ATP11A: variants seen among roughly 807,000 people sequenced by gnomAD.
The protein encoded by ATP11A is phospholipid-transporting ATPase IH.
In ATP11A, 81 loss-of-function variants were observed where a neutral mutation model predicts 154.4. That is an observed-to-expected ratio of 0.52 (90% CI 0.44 to 0.63). The LOEUF is 0.63. Among genes scored for constraint, ATP11A ranks in the 30% least tolerant of loss-of-function variants. ATP11A has a pLI of 0.00. For missense variants in ATP11A, 1,316 were observed against 1,474.3 expected, an observed-to-expected ratio of 0.89 and a Z score of 1.76; for synonymous variants, 623 against 585.9, an observed-to-expected ratio of 1.06 and a Z score of -0.91.
intron 17 of ATP11A, among the ~76,000 whole-genome samples, chr13:112,844,715 G>A (rs1020628437): frequency 2.1e-5 from 3 of 143,772 alleles, no homozygotes; most frequent in African/African-American, 8.8e-5. Context: ...TACTAGTTCA[G>A]CGGCCGCTAG....
At chr13:112,814,761 C>G (rs774007754) in intron 5 of ATP11A, among the ~76,000 whole-genome samples, 14 of 152,330 alleles carry the variant, frequency 9.2e-5, no homozygotes, top group Middle Eastern at 6.8e-3. Context: ...GTAGCTGTCT[C>G]AGAAGGCTGG....
At chr13:112,773,716 G>A (rs778712314) in intron 1 of ATP11A, among the ~76,000 whole-genome samples, 2 of 152,272 alleles carry the variant, frequency 1.3e-5, no homozygotes, top group Non-Finnish European at 2.9e-5. Context: ...GCTCCATGCA[G>A]CCTGCAGCAG....
chr13:112,699,734 C>T (rs140185848), intron 1 of ATP11A, among the ~76,000 whole-genome samples: 3 of 152,184 alleles, frequency 2.0e-5, no homozygotes, highest in South Asian at 2.1e-4. Context: ...TTTGGCTGGA[C>T]GATGGTCTAC....
intron 8 of ATP11A, among the ~76,000 whole-genome samples, chr13:112,821,681 AT>A (rs2078800971): frequency 6.6e-6 from 1 of 152,196 alleles, no homozygotes; most frequent in Non-Finnish European, 1.5e-5. Flanking sequence ...ATGTTTGTAA[AT>A]TTGTGATGTG....
At chr13:112,810,428 G>A (rs1264204914) in intron 4 of ATP11A, among the ~76,000 whole-genome samples, 191 bp from the exon 5 acceptor site, 3 of 152,212 alleles carry the variant, frequency 2.0e-5, no homozygotes, top group Admixed American at 1.3e-4. Flanking sequence ...AGCAGCTCGC[G>A]TTGCCATGGA....
chr13:112,835,568 CAG>C (rs1208373211), intron 15 of ATP11A, among the ~76,000 whole-genome samples: 3 of 152,174 alleles, frequency 2.0e-5, no homozygotes, highest in African/African-American at 7.2e-5. Context: ...GAGCCCCCAT[CAG>C]GGCTCTGCCA....
intron 12 of ATP11A, among the ~76,000 whole-genome samples, chr13:112,829,058 T>G (rs1337518322): frequency 6.6e-6 from 1 of 152,246 alleles, no homozygotes; most frequent in African/African-American, 2.4e-5. Context: ...TCAGTGCTAT[T>G]GCGCCGTTTC....
intron 16 of ATP11A, among the ~76,000 whole-genome samples, chr13:112,837,306 A>G (rs535743639): frequency 2.6e-5 from 4 of 152,214 alleles, no homozygotes; most frequent in East Asian, 1.9e-4. Context: ...GGGCTTTCCC[A>G]TAGGAAGGGC....
rs1483807023 is a variant in ATP11A at position 112,806,226 on chromosome 13, C to T, written c.266C>T (p.Thr89Ile). The T allele has an allele frequency of 6.2e-7, 1 of 1,612,186 alleles. No individual in the cohort carries two copies. Among genetic ancestry groups the T allele is most frequent in the Non-Finnish European group, 8.5e-7 (1 of 1,178,950 alleles). ...CTCTTTCTGCAGTTGATTATTGATA[C>T]ACCCACAAGTCCAGTGACAAGCGGA... The part of the protein sequence containing the change: ...IIFLVQLIID[T>I]PTSPVTSGLP... Residue 89 changes from threonine (T) to isoleucine (I), a missense_variant, in exon 4 of 30, where the codon ACA becomes ATA. Transcript: ENST00000375645.
In ATP11A at chr13:112,863,949, C is replaced by T. The variant is rs377752160; in HGVS notation, c.2991+1374C>T. On this transcript the variant is annotated intron_variant, in intron 25 of 29. Coordinates refer to ENST00000375645, the MANE Select transcript of ATP11A (RefSeq NM_015205.3). ...TCCCAGCGGGGTCCATCACCACCTG[C>T]GCAGTAATTCAGTGCGGCCCATGCA... Among the ~76,000 whole-genome samples the T allele has an allele frequency of 1.1e-4, 8 of 70,628 alleles. 2 individuals are homozygous for T. The highest frequency in any genetic ancestry group is 1.4e-4 in the Non-Finnish European group (5 of 34,788). 46.3% of individuals were successfully genotyped at this position (70,628 alleles called of 152,430 possible).
intron 21 of ATP11A, 71 bp downstream of exon 21, chr13:112,857,991 C>A: frequency 2.5e-6 from 4 of 1,577,690 alleles, no homozygotes; most frequent in Non-Finnish European, 3.5e-6. Context: ...AGGCCCATGG[C>A]AGCACGCAGG....
chr13:112,737,509 G>A (rs1278672979), intron 1 of ATP11A, among the ~76,000 whole-genome samples: 1 of 152,188 alleles, frequency 6.6e-6, no homozygotes, highest in African/African-American at 2.4e-5. Flanking sequence ...GAGCTGCCGT[G>A]GTCATAAAGA....
rs1249730067 is a variant in ATP11A, at chr13:112,834,661, G to GT, written c.1631+2dup. On this transcript the variant is annotated splice_donor_variant, in intron 15 of 29. Coordinates refer to ENST00000375645, the MANE Select transcript of ATP11A (RefSeq NM_015205.3). LOFTEE classifies it high-confidence loss of function. ...TAAACAGGGAGAACCACATCGAAAG[G>GT]TATGTGCAGACCTCACCCTCAGATG... 1 of 1,611,044 alleles carries GT rather than the reference G, an allele frequency of 6.2e-7. No individual in the cohort carries two copies. Among genetic ancestry groups the GT allele is most frequent in the Non-Finnish European group, 8.5e-7 (1 of 1,177,382 alleles).
intron 25 of ATP11A, among the ~76,000 whole-genome samples, chr13:112,871,094 G>A (rs747577821): frequency 2.0e-5 from 3 of 152,200 alleles, no homozygotes; most frequent in Non-Finnish European, 4.4e-5. Context: ...TCTGTCCTGA[G>A]GGAGGTTCCC....
At chr13:112,725,058 A>G (rs1359918439) in intron 1 of ATP11A, among the ~76,000 whole-genome samples, 1 of 152,064 alleles carries the variant, frequency 6.6e-6, no homozygotes, top group Non-Finnish European at 1.5e-5. Flanking sequence ...CCAACAGCTG[A>G]TGGCCGACGC....
intron 1 of ATP11A, among the ~76,000 whole-genome samples, chr13:112,768,792 T>C (rs560467156): frequency 6.6e-6 from 1 of 152,294 alleles, no homozygotes; most frequent in East Asian, 1.9e-4. Flanking sequence ...CGCAGTGTTT[T>C]CCGGTGGCTT....
intron 3 of ATP11A, among the ~76,000 whole-genome samples, chr13:112,805,357 G>A (rs775070504): frequency 9.2e-5 from 14 of 152,236 alleles, no homozygotes; most frequent in South Asian, 6.2e-4. Context: ...GCTATGCATC[G>A]TTACACTTAA....
intron 1 of ATP11A, among the ~76,000 whole-genome samples, chr13:112,748,928 C>T (rs143368545): frequency 6.6e-6 from 1 of 152,338 alleles, no homozygotes; most frequent in East Asian, 1.9e-4. Flanking sequence ...CAGCCACTGC[C>T]GCCCTTTGCG....
chr13:112,730,062 T>G (rs1469396357), intron 1 of ATP11A, among the ~76,000 whole-genome samples: 1 of 152,208 alleles, frequency 6.6e-6, no homozygotes, highest in Admixed American at 6.5e-5. Context: ...GTGCAGCTTC[T>G]CATGATGGTG....
Sources: allele counts gnomAD v4.1 joint callset (sites outside exome capture counted in the v4.1 genomes callset), GRCh38; gene constraint gnomAD v4.1.1; transcripts MANE v1.5; gene names NCBI Gene and HGNC (gene_info 2026-07-23, HGNC 2026-07-21).